Variants in PRPS2 observed in about 807,000 individuals in gnomAD.
PRPS2 encodes phosphoribosyl pyrophosphate synthetase 2, also known as ribose-phosphate pyrophosphokinase 2.
For missense variants in PRPS2, 104 were observed against 271.5 expected, an observed-to-expected ratio of 0.38 and a Z score of 4.34; for synonymous variants, 111 against 115.3, an observed-to-expected ratio of 0.96 and a Z score of 0.24.
intron 4 of PRPS2, among the ~76,000 whole-genome samples, chrX:12,814,427 A>G (rs1221065579): frequency 8.9e-6 from 1 of 112,073 alleles, no homozygotes; most frequent in Admixed American, 9.5e-5. Flanking sequence ...CTAGCCCCCA[A>G]CTGACAGTCT....
chrX:12,810,053 A>G lies in PRPS2; in HGVS notation c.437A>G (p.Tyr146Cys). The G allele has an allele frequency of 8.3e-7, 1 of 1,210,324 alleles. No individual in the cohort carries two copies. The highest frequency in any genetic ancestry group is 1.1e-6 in the Non-Finnish European group (1 of 894,682). Residue 146 changes from tyrosine (Y) to cysteine (C), a missense_variant, in exon 4 of 7, where the codon TAT becomes TGT. Physicochemically the swap from Tyr to Cys is radical, Grantham distance 194. Coordinates refer to ENST00000380668, the MANE Select transcript of PRPS2 (RefSeq NM_002765.5). ...TTTGATATTCCTGTGGATAATTTGTATGCGGAGCCCGCAGTCCTGCAGTGG... is the reference window on the plus strand; with the variant it reads ...TTTGATATTCCTGTGGATAATTTGTGTGCGGAGCCCGCAGTCCTGCAGTGG... ...GFFDIPVDNL[Y>C]AEPAVLQWIR...
At chrX:12,801,901 A>C (rs1378912214) in intron 2 of PRPS2, among the ~76,000 whole-genome samples, 1 of 112,328 alleles carries the variant, frequency 8.9e-6, no homozygotes, top group Non-Finnish European at 1.9e-5. Flanking sequence ...GAGCTACCGC[A>C]CCTGGCCTGT....
At chrX:12,804,302 T>G (rs1027407349) in intron 2 of PRPS2, among the ~76,000 whole-genome samples, 1 of 109,177 alleles carries the variant, frequency 9.2e-6, no homozygotes, top group Non-Finnish European at 1.9e-5. Context: ...CCACCACACC[T>G]GGCTAATTTT....
At chrX:12,796,392 G>C (rs1196139754) in intron 1 of PRPS2, among the ~76,000 whole-genome samples, 4 of 109,470 alleles carry the variant, frequency 3.7e-5, no homozygotes, top group Non-Finnish European at 7.6e-5. Context: ...GGCTAATTTT[G>C]TATTTTTTAG....
At chrX:12,794,948 A>G (rs151032898) in intron 1 of PRPS2, among the ~76,000 whole-genome samples, 1 of 112,139 alleles carries the variant, frequency 8.9e-6, no homozygotes. Context: ...GCGGTATCTT[A>G]CAGTTCTGTA....
rs767953071 is a variant in PRPS2 at position 12,810,434 on chromosome X, G to GT, written c.530+292dup. On this transcript the variant is annotated intron_variant, in intron 4 of 6. Transcript: ENST00000380668. ...GTGTTTGAGGTTTTTTTAAGTTATC[G>GT]TTTTCTGATTATAAAAGTAATGAGC... 5.7e-4 allele frequency: 164 copies of GT among 285,530 alleles called. 1 individual carries two copies. The highest frequency in any genetic ancestry group is 3.3e-3 in the East Asian group (66 of 19,861). 23.5% of individuals were successfully genotyped at this position (285,530 alleles called of 1,213,427 possible).
intron 2 of PRPS2, among the ~76,000 whole-genome samples, chrX:12,804,884 G>A (rs192190303): frequency 9.0e-6 from 1 of 110,863 alleles, no homozygotes; most frequent in East Asian, 2.8e-4. Context: ...CCTTCCCTTA[G>A]GGCTGTATTA....
intron 4 of PRPS2, among the ~76,000 whole-genome samples, chrX:12,817,886 G>C (rs771113512): frequency 4.0e-4 from 45 of 111,277 alleles, no homozygotes; most frequent in African/African-American, 1.4e-3. Flanking sequence ...GCAGGGCCTG[G>C]GGGGAGGGGA....
intron 2 of PRPS2, among the ~76,000 whole-genome samples, chrX:12,800,596 C>T (rs1186623317): frequency 9.0e-6 from 1 of 111,210 alleles, no homozygotes; most frequent in Admixed American, 9.6e-5. Flanking sequence ...GAGAATCCTG[C>T]CAGTTTTCAA....
chrX:12,799,088 A>G, intron 1 of PRPS2, 119 bp from the exon 2 acceptor site: 1 of 633,960 alleles, frequency 1.6e-6, no homozygotes, highest in African/African-American at 2.2e-5. Context: ...CCATGAGTGC[A>G]ACTATTAGGC....
Position 12,809,220 on chromosome X carries a change from G to A in PRPS2, c.307-14G>A. The A allele has an allele frequency of 8.4e-7, 1 of 1,196,798 alleles. No homozygotes were observed. Among genetic ancestry groups the A allele is most frequent in the Non-Finnish European group, 1.1e-6 (1 of 886,077 alleles). ...CATCTTTTCCTGTTATAAAATTAATGTTCTTACTTGTAGAGTCGTGCCCCA... is the reference window on the plus strand; with the variant it reads ...CATCTTTTCCTGTTATAAAATTAATATTCTTACTTGTAGAGTCGTGCCCCA... On this transcript the variant is annotated splice_polypyrimidine_tract_variant and intron_variant, in intron 2 of 6. Coordinates refer to ENST00000380668, the MANE Select transcript of PRPS2 (RefSeq NM_002765.5).
intron 4 of PRPS2, among the ~76,000 whole-genome samples, chrX:12,811,304 G>A (rs183656260): frequency 1.5e-4 from 17 of 112,326 alleles, no homozygotes; most frequent in South Asian, 1.1e-3. Flanking sequence ...GTAACAGTAC[G>A]GCAGTGATGA....
At chrX:12,802,350 T>G (rs1198469200) in intron 2 of PRPS2, among the ~76,000 whole-genome samples, 1 of 111,329 alleles carries the variant, frequency 9.0e-6, no homozygotes, top group Non-Finnish European at 1.9e-5. Context: ...TTGTTTTGTT[T>G]TGTTTTGTTT....
At chrX:12,814,059 A>AT in intron 4 of PRPS2, among the ~76,000 whole-genome samples, 1 of 47,497 alleles carries the variant, frequency 2.1e-5, no homozygotes, top group African/African-American at 8.9e-5. Flanking sequence ...ATAAGAATCC[A>AT]GCCCCCCCAC....
At chrX:12,811,008 A>C (rs1291921013) in intron 4 of PRPS2, among the ~76,000 whole-genome samples, 1 of 111,819 alleles carries the variant, frequency 8.9e-6, no homozygotes, top group African/African-American at 3.3e-5. Flanking sequence ...TGCCACATTC[A>C]GATGTGGAGT....
intron 1 of PRPS2, among the ~76,000 whole-genome samples, chrX:12,797,096 G>A (rs186980337): frequency 4.9e-4 from 54 of 110,423 alleles, no homozygotes; most frequent in East Asian, 8.5e-4. Flanking sequence ...AATGGCTCAC[G>A]TCTGTAATCC....
At chrX:12,817,325 A>C (rs745574914) in intron 4 of PRPS2, among the ~76,000 whole-genome samples, 1 of 110,757 alleles carries the variant, frequency 9.0e-6, no homozygotes, top group African/African-American at 3.3e-5. Flanking sequence ...TTGAGTGCAA[A>C]TGTACATTGC....
intron 2 of PRPS2, among the ~76,000 whole-genome samples, chrX:12,801,937 C>T (rs1390955332): frequency 8.9e-6 from 1 of 112,258 alleles, no homozygotes; most frequent in Non-Finnish European, 1.9e-5. Flanking sequence ...CAAGCTCTTT[C>T]ACTCACAATA....
chrX:12,808,103 G>A (rs887616492), intron 2 of PRPS2, among the ~76,000 whole-genome samples: 4 of 111,052 alleles, frequency 3.6e-5, no homozygotes, highest in African/African-American at 9.8e-5. Context: ...TTCTGATCTC[G>A]TGATCCGCCC....
Sources: gnomAD v4.1 joint callset for allele counts (sites outside exome capture counted in the v4.1 genomes callset) on GRCh38, gnomAD v4.1.1 for gene constraint, MANE v1.5 for transcripts, NCBI Gene and HGNC (gene_info 2026-07-23, HGNC 2026-07-21) for gene names.